The following UNC13C variants were observed in gnomAD, a reference collection of about 807,000 sequenced individuals.
UNC13C encodes protein unc-13 homolog C.
In UNC13C, 174 loss-of-function variants were observed where a neutral mutation model predicts 245.4. That is an observed-to-expected ratio of 0.71 (90% CI 0.63 to 0.80). The LOEUF is 0.80. Among genes scored for constraint, UNC13C ranks in the 30% least tolerant of loss-of-function variants. UNC13C has a pLI of 0.00. For missense variants in UNC13C, 2,829 were observed against 2,602.9 expected, an observed-to-expected ratio of 1.09 and a Z score of -1.89; for synonymous variants, 992 against 895.1, an observed-to-expected ratio of 1.11 and a Z score of -1.93.
chr15:54,499,179 G>A (rs1270981269), intron 20 of UNC13C, among the ~76,000 whole-genome samples: 1 of 152,022 alleles, frequency 6.6e-6, no homozygotes, highest in Non-Finnish European at 1.5e-5. Flanking sequence ...GAGAGAATGG[G>A]GCATCTCACA....
the UNC13C span, among the ~76,000 whole-genome samples, chr15:53,894,436 G>A: frequency 6.6e-6 from 1 of 152,178 alleles, no homozygotes; most frequent in Admixed American, 6.5e-5. Flanking sequence ...TCCCTTTCCT[G>A]ATTACTATAG....
At chr15:54,504,823 TG>T (rs1485476013) in intron 22 of UNC13C, among the ~76,000 whole-genome samples, 2 of 152,162 alleles carry the variant, frequency 1.3e-5, no homozygotes, top group African/African-American at 2.4e-5. Context: ...ATGGAATAAC[TG>T]GAAGTGTTGA....
rs1901285814 is a variant in UNC13C at position 54,627,889 on chromosome 15, G to T, written c.*776G>T. 1 of 152,526 alleles carries T rather than the reference G, an allele frequency of 6.6e-6. No homozygotes were observed. The highest frequency in any genetic ancestry group is 1.5e-5 in the Non-Finnish European group (1 of 67,980). 9.4% of individuals were successfully genotyped at this position (152,526 alleles called of 1,614,324 possible). A position where few individuals can be genotyped will look rare whatever the true frequency, so the allele number is the denominator to read the frequency against. ...TCTTTAAAAAGTCATTAATGGTTTA[G>T]AAATGGGATGGAAAGTTTACTGAAA... On this transcript the variant is annotated 3_prime_UTR_variant, in exon 33 of 33. Coordinates refer to ENST00000260323, the MANE Select transcript of UNC13C (RefSeq NM_001080534.3).
chr15:54,240,022 G>C (rs553844209), intron 7 of UNC13C, among the ~76,000 whole-genome samples: 33 of 152,334 alleles, frequency 2.2e-4, no homozygotes, highest in African/African-American at 5.5e-4. Flanking sequence ...GGAAAGCATA[G>C]AAATTAGTGG....
chr15:54,142,352 A>G (rs557860721), intron 2 of UNC13C, among the ~76,000 whole-genome samples: 3 of 152,184 alleles, frequency 2.0e-5, no homozygotes, highest in Non-Finnish European at 2.9e-5. Flanking sequence ...AGAGCACCAG[A>G]TGGGAGATCA....
chr15:54,348,109 C>T (rs1178567767), intron 17 of UNC13C, among the ~76,000 whole-genome samples: 1 of 152,088 alleles, frequency 6.6e-6, no homozygotes, highest in African/African-American at 2.4e-5. Flanking sequence ...CATGTATGTA[C>T]AGTTTGTTGA....
At chr15:54,051,834 A>G (rs960187172) in intron 2 of UNC13C, among the ~76,000 whole-genome samples, 2 of 148,264 alleles carry the variant, frequency 1.3e-5, no homozygotes, top group African/African-American at 5.0e-5. Context: ...ATATGTATAC[A>G]TGTGCCATGC....
intron 19 of UNC13C, among the ~76,000 whole-genome samples, chr15:54,474,396 G>A (rs1057307737): frequency 2.0e-5 from 3 of 151,734 alleles, no homozygotes; most frequent in Non-Finnish European, 1.5e-5. Flanking sequence ...TTCTCATTGT[G>A]GTTTTGATTT....
At chr15:54,144,065 C>A (rs748207153) in intron 4 of UNC13C, among the ~76,000 whole-genome samples, 1 of 152,060 alleles carries the variant, frequency 6.6e-6, no homozygotes, top group East Asian at 1.9e-4. Flanking sequence ...AACATTTTTC[C>A]TGTCAACAAC....
chr15:54,509,123 C>T (rs1236556458), intron 23 of UNC13C, among the ~76,000 whole-genome samples: 2 of 152,074 alleles, frequency 1.3e-5, no homozygotes, highest in Non-Finnish European at 2.9e-5. Context: ...TGCTTGAACC[C>T]GGGAGATGGA....
chr15:54,325,813 A>G (rs557037104), intron 14 of UNC13C, among the ~76,000 whole-genome samples: 2 of 152,254 alleles, frequency 1.3e-5, no homozygotes, highest in Admixed American at 6.5e-5. Context: ...AACTTAAATC[A>G]GAAGATAAAA....
At chr15:54,188,461 T>C (rs1234689666) in intron 4 of UNC13C, among the ~76,000 whole-genome samples, 1 of 152,198 alleles carries the variant, frequency 6.6e-6, no homozygotes, top group African/African-American at 2.4e-5. Context: ...AAAGATTTTA[T>C]GATAATGATA....
the UNC13C span, among the ~76,000 whole-genome samples, chr15:53,865,464 C>A: frequency 1.3e-5 from 2 of 152,156 alleles, no homozygotes; most frequent in African/African-American, 4.8e-5. Context: ...GTGCATGAGC[C>A]CCTGGTGTCT....
At chr15:54,165,782 T>C (rs1043661287) in intron 4 of UNC13C, among the ~76,000 whole-genome samples, 2 of 152,076 alleles carry the variant, frequency 1.3e-5, no homozygotes, top group Admixed American at 6.5e-5. Context: ...TTTTTAAAAA[T>C]TTTGGTTCAT....
At chr15:54,603,245 T>G (rs1899544336) in intron 30 of UNC13C, among the ~76,000 whole-genome samples, 1 of 152,206 alleles carries the variant, frequency 6.6e-6, no homozygotes, top group South Asian at 2.1e-4. Context: ...TAGGCTGCCA[T>G]CTCTCACACA....
intron 30 of UNC13C, among the ~76,000 whole-genome samples, chr15:54,616,792 A>G (rs1399098390): frequency 6.6e-6 from 1 of 152,054 alleles, no homozygotes; most frequent in African/African-American, 2.4e-5. Flanking sequence ...AGGGGGTACA[A>G]TAATGTCTTA....
intron 32 of UNC13C, among the ~76,000 whole-genome samples, chr15:54,624,225 T>A (rs1169923102): frequency 6.6e-6 from 1 of 152,182 alleles, no homozygotes; most frequent in Non-Finnish European, 1.5e-5. Context: ...TATGATAAAG[T>A]CACAAATATT....
the UNC13C span, among the ~76,000 whole-genome samples, chr15:53,916,224 G>A: frequency 6.6e-6 from 1 of 152,200 alleles, no homozygotes; most frequent in African/African-American, 2.4e-5. Context: ...TTGAAAGGCA[G>A]ACTATGGGGA....
chr15:54,406,326 C>A (rs1301447628), intron 18 of UNC13C, among the ~76,000 whole-genome samples: 1 of 152,058 alleles, frequency 6.6e-6, no homozygotes, highest in African/African-American at 2.4e-5. Context: ...TCTTTCTTTC[C>A]TTTTGATATA....
Sources: gnomAD v4.1 joint callset for allele counts (sites outside exome capture counted in the v4.1 genomes callset) on GRCh38, gnomAD v4.1.1 for gene constraint, MANE v1.5 for transcripts, NCBI Gene and HGNC (gene_info 2026-07-23, HGNC 2026-07-21) for gene names.